The following ATAD3A variants were observed in gnomAD, a reference collection of about 807,000 sequenced individuals.
ATAD3A encodes the protein ATPase family AAA domain containing 3A, also known as ATPase family AAA domain-containing protein 3A.
A neutral mutation model predicts 73.8 loss-of-function variants in ATAD3A; 46 were observed. The observed-to-expected ratio is 0.62, with a 90% CI of 0.49 to 0.80. The LOEUF (loss-of-function observed/expected upper bound fraction) is 0.80, where lower values mean the gene tolerates loss of function less well. Ranked by LOEUF, ATAD3A falls within the 30% of genes least tolerant of loss-of-function variation. The probability of loss-of-function intolerance (pLI) is 0.00; values close to 1 mark genes in which losing one functional copy is unlikely to be tolerated. For synonymous variants in ATAD3A, 319 were observed against 350.0 expected, an observed-to-expected ratio of 0.91 and a Z score of 0.99; for missense variants, 705 against 838.0, an observed-to-expected ratio of 0.84 and a Z score of 1.96.
chr1:1,520,742 G>C lies in ATAD3A; in HGVS notation c.750+125G>C. On this transcript the variant is annotated intron_variant, in intron 7 of 15. Coordinates refer to ENST00000378756, the MANE Select transcript of ATAD3A (RefSeq NM_001170535.3). This position sits in a 1 kb window ranked among gnomAD's most constrained non-coding sequence, Gnocchi z 4.0. Reference sequence around the variant, plus strand: ...CTGTAGCTCTCCCAGCAGGGAGGAAGCCCACGTTGTACCTGCTGGCCTCGG... The same window carrying C: ...CTGTAGCTCTCCCAGCAGGGAGGAACCCCACGTTGTACCTGCTGGCCTCGG... 3.4e-6 allele frequency: 5 copies of C among 1,475,258 alleles called. No individual in the cohort carries two copies. The highest frequency in any genetic ancestry group is 4.6e-6 in the Non-Finnish European group (5 of 1,080,086). The allele number at this position is 1,475,258 out of a possible 1,614,324, so 91.4% of individuals were successfully genotyped here. A position where few individuals can be genotyped will look rare whatever the true frequency, so the allele number is the denominator to read the frequency against.
rs752080644 is a variant in ATAD3A at position 1,533,952 on chromosome 1, G to T, written c.1641G>T (p.Gly547=). 1 of 1,613,304 alleles carries T rather than the reference G, an allele frequency of 6.2e-7. No individual in the cohort carries two copies. Among genetic ancestry groups the T allele is most frequent in the Admixed American group, 1.7e-5 (1 of 60,000 alleles). ...CCACGGCGTATGCCTCCGAGGACGG[G>T]GTCCTGACCGAGGCCATGATGGACA... ...WQATAYASED[G]VLTEAMMDTR... is the part of the protein sequence containing the mutation. Residue 547 remains glycine (G), a synonymous_variant, in exon 16 of 16, where the codon GGG becomes GGT. Coordinates refer to ENST00000378756, the MANE Select transcript of ATAD3A (RefSeq NM_001170535.3).
chr1:1,534,243 G>T lies in ATAD3A; in HGVS notation c.*171G>T. 6.7e-7 allele frequency: 1 copy of T among 1,495,176 alleles called. No homozygotes were observed. Among genetic ancestry groups the T allele is most frequent in the Non-Finnish European group, 8.9e-7 (1 of 1,126,634 alleles). 92.6% of individuals were successfully genotyped at this position (1,495,176 alleles called of 1,614,324 possible). On this transcript the variant is annotated 3_prime_UTR_variant, in exon 16 of 16. Transcript: ENST00000378756. Reference sequence around the variant, plus strand: ...CGGGTCGGCCGTTCTGCCCCCCAGGGCACCCCCTGTTGTAGGCACTGGCTA... The same window carrying T: ...CGGGTCGGCCGTTCTGCCCCCCAGGTCACCCCCTGTTGTAGGCACTGGCTA...
chr1:1,533,304 C>T lies in ATAD3A; in HGVS notation c.1615-622C>T, dbSNP rs539942810. ...CGGGTGCCTCCCCTTGGGGACTCCACGCCCTTCGCTGGCATTGGGATGGAG... is the reference window on the plus strand; with the variant it reads ...CGGGTGCCTCCCCTTGGGGACTCCATGCCCTTCGCTGGCATTGGGATGGAG... On this transcript the variant is annotated intron_variant, in intron 15 of 15. Transcript: ENST00000378756. Among the ~76,000 whole-genome samples the T allele has an allele frequency of 2.2e-3, 328 of 152,364 alleles. 3 individuals carry two copies. Among genetic ancestry groups the T allele is most frequent in the African/African-American group, 7.1e-3 (297 of 41,580 alleles).
chr1:1,518,242 C>T (rs1300134928), intron 4 of ATAD3A, among the ~76,000 whole-genome samples: 1 of 150,954 alleles, frequency 6.6e-6, no homozygotes, highest in Admixed American at 6.6e-5. Flanking sequence ...ACACCCCGCA[C>T]ACACACACAC....
At chr1:1,526,350 A>G in intron 12 of ATAD3A, 111 bp from the exon 13 acceptor site, 1 of 1,564,796 alleles carries the variant, frequency 6.4e-7, no homozygotes, top group Non-Finnish European at 8.7e-7. Context: ...GATCCATGAA[A>G]GTGTCGCCAT....
chr1:1,533,852 C>T, intron 15 of ATAD3A, 74 bp from the exon 16 acceptor site: 9 of 1,544,644 alleles, frequency 5.8e-6, no homozygotes, highest in Non-Finnish European at 7.9e-6. Context: ...CCCTCCCCAC[C>T]TCGGGGCCCT....
At chr1:1,526,762 AC>A (rs1641861959) in intron 13 of ATAD3A, among the ~76,000 whole-genome samples, 1 of 152,206 alleles carries the variant, frequency 6.6e-6, no homozygotes, top group Non-Finnish European at 1.5e-5. Context: ...TCCTGTCCTC[AC>A]GGCCCTGTGC....
At position 1,534,227 on chromosome 1, in the gene ATAD3A, C is replaced by T. The variant is rs1248674543; in HGVS notation, c.*155C>T. On this transcript the variant is annotated 3_prime_UTR_variant, in exon 16 of 16. Transcript: ENST00000378756. ...AGGATGTCTTGTGGTGCGGGTCGGC[C>T]GTTCTGCCCCCCAGGGCACCCCCTG... 2.0e-5 allele frequency: 30 copies of T among 1,497,824 alleles called. No homozygotes were observed. The highest frequency in any genetic ancestry group is 4.2e-5 in the Admixed American group (2 of 47,668). The allele number at this position is 1,497,824 out of a possible 1,614,324, so 92.8% of individuals were successfully genotyped here. A position where few individuals can be genotyped will look rare whatever the true frequency, so the allele number is the denominator to read the frequency against.
At position 1,525,283 on chromosome 1, in the gene ATAD3A, C is replaced by G. The variant is rs376153971; in HGVS notation, c.1258C>G (p.Arg420Gly). The change falls in exon 12 of 16, where the codon CGA (arginine) becomes GGA (glycine). Residue 420 changes from arginine to glycine, a missense_variant. This residue lies in a region of ATAD3A where 252 missense variants were observed against 278.5 expected (regional missense o/e 0.90). Transcript: ENST00000378756. ...TGAAGCGGACGCCTTCCTTCGGAAGCGAGCCACCGTGAGTGTCACTAAGCC... is the reference window on the plus strand; with the variant it reads ...TGAAGCGGACGCCTTCCTTCGGAAGGGAGCCACCGTGAGTGTCACTAAGCC... ...VDEADAFLRK[R>G]ATEKISEDLR... 1.2e-6 allele frequency: 2 copies of G among 1,613,510 alleles called. No homozygotes were observed. Among genetic ancestry groups the G allele is most frequent in the African/African-American group, 2.7e-5 (2 of 74,848 alleles).
intron 10 of ATAD3A, 61 bp from the exon 11 acceptor site, chr1:1,524,212 T>C: frequency 6.2e-7 from 1 of 1,613,250 alleles, no homozygotes; most frequent in Non-Finnish European, 8.5e-7. Flanking sequence ...GGGTGGAGTG[T>C]GCAGGCTTTG....
chr1:1,520,202 G>C lies in ATAD3A; in HGVS notation c.576G>C (p.Glu192Asp). The C allele has an allele frequency of 1.9e-6, 3 of 1,612,054 alleles. No individual in the cohort carries two copies. Among genetic ancestry groups the C allele is most frequent in the Non-Finnish European group, 2.5e-6 (3 of 1,179,658 alleles). Residue 192 changes from glutamate to aspartate, a missense_variant, in exon 6 of 16, where the codon GAG (glutamate) becomes GAC (aspartate). Glu to Asp is a conservative substitution (Grantham distance 45). This residue lies in a region of ATAD3A where 315 missense variants were observed against 334.1 expected (regional missense o/e 0.94). Transcript: ENST00000378756. This position sits in a 1 kb window ranked among gnomAD's most constrained non-coding sequence, Gnocchi z 4.0. ...HKNEMLRVEA[E>D]ARARAKAERE... ...ATGAGATGCTGCGAGTGGAGGCCGA[G>C]GCCCGGGCGCGCGCCAAGGCCGAGC...
In ATAD3A at chr1:1,534,427, A is replaced by C. The variant is rs1281205422; in HGVS notation, c.*355A>C. On this transcript the variant is annotated 3_prime_UTR_variant, in exon 16 of 16. Coordinates refer to ENST00000378756, the MANE Select transcript of ATAD3A (RefSeq NM_001170535.3). ...GCCCCCGGGGCAGCAGGAGCCAGGC[A>C]GGTGATGTCTTTGTTCTCGGCTCCC... is the stretch of plus-strand genomic sequence containing the variant. 4.7e-6 allele frequency: 6 copies of C among 1,280,756 alleles called. No individual in the cohort carries two copies. In the African/African-American group the frequency reaches 9.1e-5, roughly 19 times the overall value. 79.3% of individuals were successfully genotyped at this position (1,280,756 alleles called of 1,614,324 possible).
In ATAD3A at chr1:1,520,830, G is replaced by A. The variant is rs1286684255; in HGVS notation, c.750+213G>A. ...GTTGCCAGCCTGGGCCACACAGTGA[G>A]ACCCCATCTCTACAAAAAATCAAAT... is the stretch of plus-strand genomic sequence containing the variant. On this transcript the variant is annotated intron_variant, in intron 7 of 15. Transcript: ENST00000378756. This position sits in a 1 kb window ranked among gnomAD's most constrained non-coding sequence, Gnocchi z 4.0. Among the ~76,000 whole-genome samples the A allele has an allele frequency of 1.3e-5, 2 of 152,136 alleles. No homozygotes were observed. Among genetic ancestry groups the A allele is most frequent in the African/African-American group, 4.8e-5 (2 of 41,410 alleles).
Position 1,523,655 on chromosome 1 carries a change from G to A in ATAD3A, c.963+88G>A. On this transcript the variant is annotated intron_variant, in intron 9 of 15. Transcript: ENST00000378756. This position sits in a 1 kb window ranked among gnomAD's most constrained non-coding sequence, Gnocchi z 5.1. The stretch of plus-strand genomic sequence containing the variant: ...GTGGCCCTTGCTGGCGCTCGTGGTG[G>A]CACCCAGGAGCTTTTGGGTCCTGAG... 6.2e-7 allele frequency: 1 copy of A among 1,600,292 alleles called. No individual in the cohort carries two copies.
chr1:1,534,523 C>G lies in ATAD3A; in HGVS notation c.*451C>G, dbSNP rs992025576. 1.2e-5 allele frequency: 7 copies of G among 568,858 alleles called. No individual in the cohort carries two copies. Among genetic ancestry groups the G allele is most frequent in the African/African-American group, 5.8e-5 (3 of 51,726 alleles). The allele number at this position is 568,858 out of a possible 1,614,324, so 35.2% of individuals were successfully genotyped here. ...TGGGGCAGCCTGAACCCTGCTTCCC[C>G]CTGTGGCCGGCATGCCCCGATCTTT... On this transcript the variant is annotated 3_prime_UTR_variant, in exon 16 of 16. Transcript: ENST00000378756.
intron 4 of ATAD3A, among the ~76,000 whole-genome samples, chr1:1,518,317 C>G (rs1641443156): frequency 7.9e-6 from 1 of 127,160 alleles, no homozygotes; most frequent in Admixed American, 8.2e-5. Context: ...CGCACACATA[C>G]CCCCCACAGG....
At chr1:1,527,214 C>T (rs1211956397) in intron 13 of ATAD3A, 2 of 1,302,416 alleles carry the variant, frequency 1.5e-6, no homozygotes, top group Admixed American at 4.6e-5. Context: ...CCGTGGCTGA[C>T]TCCTCAGGCA....
chr1:1,522,593 G>C, intron 7 of ATAD3A, 151 bp from the exon 8 acceptor site: 5 of 1,467,930 alleles, frequency 3.4e-6, no homozygotes, highest in Non-Finnish European at 4.5e-6. Flanking sequence ...TGTGGGATTC[G>C]GGGCCGGGAA....
chr1:1,518,010 C>G (rs1042650344), intron 4 of ATAD3A, among the ~76,000 whole-genome samples: 14 of 151,952 alleles, frequency 9.2e-5, no homozygotes, highest in Non-Finnish European at 1.9e-4. Flanking sequence ...CGGACACACA[C>G]TCCTCGCACA....
Sources: gnomAD v4.1 joint callset for allele counts (sites outside exome capture counted in the v4.1 genomes callset) on GRCh38, gnomAD v4.1.1 for gene constraint, gnomAD v4.1.1 regional missense constraint, Gnocchi (gnomAD v3.1) non-coding constraint, MANE v1.5 for transcripts, NCBI Gene and HGNC (gene_info 2026-07-23, HGNC 2026-07-21) for gene names.